Variants in UBL3 observed in about 807,000 individuals in gnomAD.
The protein encoded by UBL3 is ubiquitin like 3.
UBL3 carries 6 observed loss-of-function variants against 18.4 expected under a neutral mutation model. The ratio of observed to expected loss-of-function variants is 0.33; its 90% CI spans 0.18 to 0.64. The LOEUF (loss-of-function observed/expected upper bound fraction) is 0.64. Ranked by LOEUF, UBL3 falls within the 30% of genes least tolerant of loss-of-function variation. The pLI, the probability that UBL3 is intolerant of heterozygous loss-of-function variation, is 0.76. For synonymous variants in UBL3, 49 were observed against 46.6 expected (o/e 1.05, Z -0.21); for missense variants, 109 against 142.9 (o/e 0.76, Z 1.21).
chr13:29,824,024 A>G (rs1232453921), intron 1 of UBL3, among the ~76,000 whole-genome samples: 1 of 152,150 alleles, frequency 6.6e-6, no homozygotes, highest in East Asian at 1.9e-4. Context: ...ATGTCCCTAC[A>G]AAGGACATGA....
At chr13:29,826,585 T>A (rs34129219) in intron 1 of UBL3, among the ~76,000 whole-genome samples, 6,898 of 152,304 alleles carry the variant, frequency 0.045, 221 homozygotes, top group Middle Eastern at 0.092. Flanking sequence ...GATTCTTCTT[T>A]ATTAGTCTTG....
At chr13:29,818,383 C>T (rs1477601966) in intron 1 of UBL3, among the ~76,000 whole-genome samples, 2 of 152,178 alleles carry the variant, frequency 1.3e-5, no homozygotes, top group Non-Finnish European at 2.9e-5. Flanking sequence ...TAAACGACTA[C>T]TAATCTTTTA....
At chr13:29,784,812 T>G (rs898333678) in intron 1 of UBL3, among the ~76,000 whole-genome samples, 5 of 144,680 alleles carry the variant, frequency 3.5e-5, no homozygotes, top group Non-Finnish European at 7.5e-5. Context: ...GTGATAAAAC[T>G]GCATAGAACT....
intron 1 of UBL3, among the ~76,000 whole-genome samples, chr13:29,836,263 A>C (rs1878959636): frequency 6.6e-6 from 1 of 152,204 alleles, no homozygotes; most frequent in African/African-American, 2.4e-5. Flanking sequence ...TAAGTAACAT[A>C]GTAATTAGTT....
At chr13:29,835,161 T>TATATATAA (rs1878924922) in intron 1 of UBL3, among the ~76,000 whole-genome samples, 2 of 54,300 alleles carry the variant, frequency 3.7e-5, no homozygotes, top group Non-Finnish European at 6.6e-5. Flanking sequence ...TATATATATA[T>TATATATAA]ATATATATAT....
intron 1 of UBL3, among the ~76,000 whole-genome samples, chr13:29,777,842 C>CTG (rs1877043194): frequency 6.6e-6 from 1 of 152,138 alleles, no homozygotes. Flanking sequence ...TCTTGGCTCA[C>CTG]TGCAACCTCG....
chr13:29,825,023 G>T (rs567859681), intron 1 of UBL3, among the ~76,000 whole-genome samples: 1 of 152,282 alleles, frequency 6.6e-6, no homozygotes, highest in East Asian at 1.9e-4. Context: ...TTGTAGATGT[G>T]TGGTATTATT....
chr13:29,833,729 C>T lies in UBL3; in HGVS notation c.27+15783G>A, dbSNP rs193265691. 1.9e-3 allele frequency among the ~76,000 whole-genome samples: 289 copies of T among 152,314 alleles called. 2 individuals are homozygous for T. The highest frequency in any genetic ancestry group is 6.8e-3 in the African/African-American group (282 of 41,568). ...CTTTATTTTTCTCTGTAATACTTACCACCATCTAATATACAATATATTTCA... is the reference window on the plus strand; with the variant it reads ...CTTTATTTTTCTCTGTAATACTTACTACCATCTAATATACAATATATTTCA... On this transcript the variant is annotated intron_variant, in intron 1 of 4. Transcript: ENST00000380680.
chr13:29,823,453 T>A (rs1047139696), intron 1 of UBL3, among the ~76,000 whole-genome samples: 2 of 152,192 alleles, frequency 1.3e-5, no homozygotes, highest in African/African-American at 4.8e-5. Flanking sequence ...CAAATTTAGA[T>A]CTTTAAGTGT....
intron 1 of UBL3, among the ~76,000 whole-genome samples, chr13:29,835,843 G>GT (rs1878949698): frequency 6.7e-6 from 1 of 149,728 alleles, no homozygotes; most frequent in South Asian, 2.1e-4. Context: ...CTTGTAGCAT[G>GT]TTTGAGGAAC....
intron 1 of UBL3, among the ~76,000 whole-genome samples, chr13:29,817,293 C>T (rs1878306371): frequency 6.6e-6 from 1 of 152,308 alleles, no homozygotes; most frequent in South Asian, 2.1e-4. Flanking sequence ...AAGATGAAAA[C>T]ATAAACTGTA....
intron 1 of UBL3, among the ~76,000 whole-genome samples, chr13:29,784,884 T>C (rs1877269178): frequency 6.6e-6 from 1 of 152,030 alleles, no homozygotes; most frequent in Admixed American, 6.6e-5. Flanking sequence ...TGGACAAATA[T>C]TAATAAAGTC....
intron 1 of UBL3, among the ~76,000 whole-genome samples, chr13:29,815,035 G>A (rs755580003): frequency 5.9e-5 from 9 of 152,000 alleles, no homozygotes; most frequent in African/African-American, 7.3e-5. Flanking sequence ...AATATATGTT[G>A]GGCAAATATT....
intron 1 of UBL3, among the ~76,000 whole-genome samples, chr13:29,803,573 T>G (rs1877825725): frequency 1.3e-5 from 2 of 148,486 alleles, no homozygotes; most frequent in African/African-American, 2.5e-5. Context: ...AGGCTCAAAG[T>G]AAGGGATGGA....
At chr13:29,812,100 CCTT>C (rs1256075345) in intron 1 of UBL3, among the ~76,000 whole-genome samples, 1 of 152,008 alleles carries the variant, frequency 6.6e-6, no homozygotes, top group Admixed American at 6.6e-5. Context: ...ATTCCTGTAT[CCTT>C]CAAGAAGCCT....
chr13:29,772,255 CTATAT>C (rs140223719), intron 2 of UBL3, 57 bp from the exon 3 acceptor site: 581,727 of 1,424,728 alleles, frequency 0.41, 123,519 homozygotes, highest in Non-Finnish European at 0.43. Context: ...TAAGGTACTA[CTATAT>C]TGTTTTAAAA....
chr13:29,822,914 T>TAC (rs1205186606), intron 1 of UBL3, among the ~76,000 whole-genome samples: 1 of 151,934 alleles, frequency 6.6e-6, no homozygotes, highest in South Asian at 2.1e-4. Context: ...ATCAACTGTA[T>TAC]ACACACACAC....
At chr13:29,775,781 A>G (rs903724636) in intron 2 of UBL3, among the ~76,000 whole-genome samples, 1 of 152,036 alleles carries the variant, frequency 6.6e-6, no homozygotes, top group Non-Finnish European at 1.5e-5. Flanking sequence ...ATGCCCAGCT[A>G]AATTTTGTAT....
chr13:29,802,365 A>G (rs1315536194), intron 1 of UBL3, among the ~76,000 whole-genome samples: 2 of 152,240 alleles, frequency 1.3e-5, no homozygotes, highest in Non-Finnish European at 2.9e-5. Context: ...CAGCCCACAC[A>G]GAGAAGAAAG....
Sources: allele counts gnomAD v4.1 joint callset (sites outside exome capture counted in the v4.1 genomes callset), GRCh38; gene constraint gnomAD v4.1.1; transcripts MANE v1.5; gene names NCBI Gene and HGNC (gene_info 2026-07-23, HGNC 2026-07-21).